PPP4R3B: variants seen among roughly 807,000 people sequenced by gnomAD.
PPP4R3B encodes the protein serine/threonine-protein phosphatase 4 regulatory subunit 3B.
In PPP4R3B, 52 loss-of-function variants were observed where a neutral mutation model predicts 95.4. The observed-to-expected ratio is 0.54, with a 90% CI of 0.44 to 0.69. The LOEUF (loss-of-function observed/expected upper bound fraction) is 0.69. PPP4R3B is among the 30% of genes least tolerant of loss of function. The pLI is 0.00. For missense variants in PPP4R3B, 1,003 were observed against 1,005.9 expected (o/e 1.00, Z 0.04); for synonymous variants, 407 against 343.9 (o/e 1.18, Z -2.03).
At chr2:55,583,462 T>G (rs1275937143) in intron 7 of PPP4R3B, among the ~76,000 whole-genome samples, 2 of 152,184 alleles carry the variant, frequency 1.3e-5, no homozygotes, top group Admixed American at 6.5e-5. Flanking sequence ...GAAATATTTT[T>G]AATTAAAACA....
chr2:55,577,481 A>G (rs2104163959), intron 10 of PPP4R3B, 125 bp from the exon 11 acceptor site: 12 of 1,042,474 alleles, frequency 1.2e-5, no homozygotes, highest in Non-Finnish European at 1.5e-5. Context: ...AAATAACCAT[A>G]AAGACTTGGT....
At chr2:55,585,891 T>C (rs1395353978) in intron 6 of PPP4R3B, among the ~76,000 whole-genome samples, 1 of 152,186 alleles carries the variant, frequency 6.6e-6, no homozygotes, top group East Asian at 1.9e-4. Flanking sequence ...TGAGCCTTTG[T>C]CATTTTCACT....
chr2:55,550,011 T>C lies in PPP4R3B; in HGVS notation c.2455-5A>G. The stretch of plus-strand genomic sequence containing the variant: ...CACTAAGCCAACCAAACTTCCCTAT[T>C]GAAGAATTTAAAAATTTTTTCTTTA... On this transcript the variant is annotated splice_region_variant and splice_polypyrimidine_tract_variant and intron_variant, in intron 16 of 16. Transcript: ENST00000616407. 2.5e-6 allele frequency: 4 copies of C among 1,589,970 alleles called. No individual in the cohort carries two copies. The highest frequency in any genetic ancestry group is 3.4e-6 in the Non-Finnish European group (4 of 1,173,480).
chr2:55,579,419 CCAGTGGTCTACACGTT>C, intron 9 of PPP4R3B, among the ~76,000 whole-genome samples: 1 of 150,456 alleles, frequency 6.6e-6, no homozygotes, highest in Non-Finnish European at 1.5e-5. Flanking sequence ...TTTTTTTCTG[CCAGTGGTCTACACGTT>C]CAGAGAAACT....
chr2:55,577,248 C>T lies in PPP4R3B; in HGVS notation c.1606+67G>A, dbSNP rs1008494330. 3.2e-5 allele frequency: 47 copies of T among 1,484,298 alleles called. 2 individuals carry two copies. In the South Asian group the frequency reaches 5.5e-4, roughly 17 times the overall value. 91.9% of individuals were successfully genotyped at this position (1,484,298 alleles called of 1,614,324 possible). The stretch of plus-strand genomic sequence containing the variant: ...TGCTTTTCTTAGCCTTATATAAGTG[C>T]ATTACACTTAGAGTAGAAAAAAGTT... On this transcript the variant is annotated intron_variant, in intron 11 of 16. Transcript: ENST00000616407.
At chr2:55,582,867 GTCAGGT>G (rs1354377946) in intron 7 of PPP4R3B, among the ~76,000 whole-genome samples, 2 of 152,008 alleles carry the variant, frequency 1.3e-5, no homozygotes, top group Non-Finnish European at 2.9e-5. Flanking sequence ...TACTCATCCA[GTCAGGT>G]TCTGCAAGTT....
chr2:55,608,080 A>T (rs1025305250), intron 2 of PPP4R3B, among the ~76,000 whole-genome samples: 23 of 152,172 alleles, frequency 1.5e-4, no homozygotes, highest in Admixed American at 1.5e-3. Flanking sequence ...ATCTTGGCTC[A>T]CTGCAACCTC....
chr2:55,610,015 CA>C (rs1396765380), intron 2 of PPP4R3B, among the ~76,000 whole-genome samples: 1 of 152,118 alleles, frequency 6.6e-6, no homozygotes, highest in Non-Finnish European at 1.5e-5. Context: ...TAATAAGCCT[CA>C]AACCAAAAGA....
intron 2 of PPP4R3B, among the ~76,000 whole-genome samples, chr2:55,613,092 CAGA>C (rs1332060611): frequency 6.6e-6 from 1 of 152,026 alleles, no homozygotes; most frequent in East Asian, 1.9e-4. Flanking sequence ...GCCTAAGGGA[CAGA>C]AGAAGACCCT....
chr2:55,576,303 G>GTGCC (rs1454551351), intron 11 of PPP4R3B, among the ~76,000 whole-genome samples: 7 of 152,162 alleles, frequency 4.6e-5, no homozygotes, highest in Admixed American at 3.9e-4. Context: ...AGCCGAAATT[G>GTGCC]TGCCACTGCA....
chr2:55,554,881 C>G (rs574994629), intron 16 of PPP4R3B, among the ~76,000 whole-genome samples: 1 of 152,180 alleles, frequency 6.6e-6, no homozygotes, highest in East Asian at 1.9e-4. Context: ...TTAACTTTTA[C>G]ATTTGGATCT....
chr2:55,558,952 G>A lies in PPP4R3B; in HGVS notation c.2277C>T (p.Asp759=), dbSNP rs758601168. 13 of 1,607,642 alleles carry A rather than the reference G, an allele frequency of 8.1e-6. No individual in the cohort carries two copies. The East Asian group carries it at 2.9e-4, about 36-fold the overall frequency. The change falls in exon 16 of 17, where the codon GAC becomes GAT. Residue 759 remains aspartate, a synonymous_variant. Coordinates refer to ENST00000616407, the MANE Select transcript of PPP4R3B (RefSeq NM_001122964.3). ...METKKAKESE[D]KENLPKRTSP... is the part of the protein sequence containing the mutation. The stretch of plus-strand genomic sequence containing the variant: ...ATGTCCTTTTGGGAAGGTTTTCCTT[G>A]TCTTCACTTTCTTTTGCTAAAGCAA...
chr2:55,589,841 G>A (rs764312220), intron 4 of PPP4R3B, among the ~76,000 whole-genome samples: 13 of 149,778 alleles, frequency 8.7e-5, no homozygotes, highest in Non-Finnish European at 1.5e-4. Context: ...GCGTGAACCC[G>A]GGAGGGGGAG....
chr2:55,585,153 CA>C lies in PPP4R3B; in HGVS notation c.1130del (p.Leu377CysfsTer14), dbSNP rs1487205765. The C allele has an allele frequency of 6.2e-7, 1 of 1,607,660 alleles. No individual in the cohort carries two copies. The highest frequency in any genetic ancestry group is 2.2e-5 in the East Asian group (1 of 44,670). ...ALEIVMGMDD[L>X]QVRSAATDIF... ...TATCTGTAGCAGCTGATCTGACTTG[CA>C]AATCATCCATGCCCTGATAAAAGGA... On this transcript the variant is annotated frameshift_variant, in exon 7 of 17. Coordinates refer to ENST00000616407, the MANE Select transcript of PPP4R3B (RefSeq NM_001122964.3). LOFTEE classifies it high-confidence loss of function.
At chr2:55,611,040 T>A (rs115932042) in intron 2 of PPP4R3B, among the ~76,000 whole-genome samples, 1 of 152,124 alleles carries the variant, frequency 6.6e-6, no homozygotes, top group Non-Finnish European at 1.5e-5. Context: ...TAATTTATAT[T>A]TTTTGCAGTG....
chr2:55,608,015 CT>C (rs887061087), intron 2 of PPP4R3B, among the ~76,000 whole-genome samples: 3 of 151,932 alleles, frequency 2.0e-5, no homozygotes, highest in Admixed American at 2.0e-4. Flanking sequence ...TTTTGCTCTT[CT>C]TTTTTTTGAT....
chr2:55,569,753 C>T (rs971368117), intron 12 of PPP4R3B, among the ~76,000 whole-genome samples: 2 of 152,056 alleles, frequency 1.3e-5, no homozygotes, highest in Admixed American at 6.6e-5. Context: ...TACCGGTCTC[C>T]GCGTCTTGGT....
At chr2:55,606,487 C>T (rs1231153156) in intron 2 of PPP4R3B, among the ~76,000 whole-genome samples, 1 of 151,808 alleles carries the variant, frequency 6.6e-6, no homozygotes, top group Non-Finnish European at 1.5e-5. Flanking sequence ...GAGTTTGAGA[C>T]CAGCCTGGGC....
At chr2:55,587,652 C>T (rs1690337805) in intron 5 of PPP4R3B, among the ~76,000 whole-genome samples, 1 of 152,216 alleles carries the variant, frequency 6.6e-6, no homozygotes, top group Non-Finnish European at 1.5e-5. Flanking sequence ...TCTTTAAACA[C>T]ATTCAGTGCA....
Sources: gnomAD v4.1 joint callset for allele counts (sites outside exome capture counted in the v4.1 genomes callset) on GRCh38, gnomAD v4.1.1 for gene constraint, MANE v1.5 for transcripts, NCBI Gene and HGNC (gene_info 2026-07-23, HGNC 2026-07-21) for gene names.